Variants in THRB observed in about 807,000 individuals in gnomAD.
The protein encoded by THRB is thyroid hormone receptor beta.
In THRB, 12 loss-of-function variants were observed where a neutral mutation model predicts 47.8. The ratio of observed to expected loss-of-function variants is 0.25; its 90% CI spans 0.16 to 0.41. The LOEUF (loss-of-function observed/expected upper bound fraction) is 0.41, where lower values mean the gene tolerates loss of function less well. Ranked by LOEUF, THRB falls within the 10% of genes least tolerant of loss-of-function variation. The probability of loss-of-function intolerance (pLI) is 1.00; values close to 1 mark genes in which losing one functional copy is unlikely to be tolerated. For missense variants in THRB, 348 were observed against 589.2 expected (o/e 0.59, Z 4.24); for synonymous variants, 218 against 212.2 (o/e 1.03, Z -0.24).
chr3:24,454,935 A>G (rs1225440853), intron 1 of THRB, among the ~76,000 whole-genome samples: 2 of 152,108 alleles, frequency 1.3e-5, no homozygotes, highest in Non-Finnish European at 2.9e-5. Context: ...ACAGCACCAT[A>G]GAAAATGTAG....
rs143665487 is a variant in THRB, at chr3:24,416,059, T to C, written c.-261+78593A>G. ...AGAGTTGTTACATAATATAATTATG[T>C]TGTATATTCAAGAGTGCAATTGTGA... is the stretch of plus-strand genomic sequence containing the variant. On this transcript the variant is annotated intron_variant, in intron 1 of 10. Coordinates refer to ENST00000646209, the MANE Select transcript of THRB (RefSeq NM_001354712.2). Among the ~76,000 whole-genome samples the C allele has an allele frequency of 3.5e-3, 527 of 151,994 alleles. 7 individuals are homozygous for C. Among genetic ancestry groups the C allele is most frequent in the African/African-American group, 0.012 (484 of 41,532 alleles).
chr3:24,203,278 G>A (rs773221604), intron 4 of THRB, among the ~76,000 whole-genome samples: 7 of 152,180 alleles, frequency 4.6e-5, no homozygotes, highest in Non-Finnish European at 1.0e-4. Context: ...GCTGGGTGTG[G>A]TGGCACACAC....
intron 4 of THRB, among the ~76,000 whole-genome samples, chr3:24,203,070 C>A (rs1300893436): frequency 6.6e-6 from 1 of 152,178 alleles, no homozygotes; most frequent in Non-Finnish European, 1.5e-5. Context: ...AAAACCACTT[C>A]AAGAAGCAAA....
chr3:24,204,722 T>A (rs1461534914), intron 4 of THRB, among the ~76,000 whole-genome samples: 1 of 152,136 alleles, frequency 6.6e-6, no homozygotes, highest in East Asian at 1.9e-4. Flanking sequence ...AGGAGGAAAT[T>A]TGAACCCATC....
rs1575378353 is a variant in THRB at position 24,143,634 on chromosome 3, T to C, written c.605A>G (p.Glu202Gly). 6.2e-7 allele frequency: 1 copy of C among 1,614,178 alleles called. No individual in the cohort carries two copies. The highest frequency in any genetic ancestry group is 8.5e-7 in the Non-Finnish European group (1 of 1,180,024). Residue 202 changes from glutamate (E) to glycine (G), a missense_variant, in exon 8 of 11, where the codon GAA (glutamate) becomes GGA (glycine). Physicochemically the swap from Glu to Gly is moderately conservative, Grantham distance 98. Around this residue, in one of 5 missense-constraint regions of THRB, gnomAD observed 112 missense variants for 212.3 expected, o/e 0.53. Transcript: ENST00000646209. ...GTGCCCGATGGACTTCTGCAGCTCT[T>C]CCCGCCGTCTTTTCTCCCGGTTCTC... Reference protein sequence around the residue: ...IEENREKRRREELQKSIGHKP... With the variant: ...IEENREKRRRGELQKSIGHKP...
intron 3 of THRB, among the ~76,000 whole-genome samples, chr3:24,252,650 C>T (rs1371688682): frequency 2.7e-5 from 4 of 150,774 alleles, no homozygotes; most frequent in East Asian, 1.9e-4. Context: ...ATATGTAAAA[C>T]GCAAATGTCC....
chr3:24,179,886 T>C (rs933396273), intron 5 of THRB, among the ~76,000 whole-genome samples: 3 of 152,130 alleles, frequency 2.0e-5, no homozygotes, highest in Admixed American at 6.5e-5. Flanking sequence ...CAAATAAGAC[T>C]CAAGCATAGA....
In THRB at chr3:24,120,889, T is replaced by C. The variant is rs2031557109; in HGVS notation, c.*1995A>G. On this transcript the variant is annotated 3_prime_UTR_variant, in exon 11 of 11. Transcript: ENST00000646209. ...TTGTTTCCTTTTTCCCAGAAGCCAG[T>C]ACAATTGCTTTCATGCATTGAATAT... 1 of 152,220 alleles carries C rather than the reference T, an allele frequency of 6.6e-6. No individual in the cohort carries two copies. The highest frequency in any genetic ancestry group is 2.4e-5 in the African/African-American group (1 of 41,458). 9.4% of individuals were successfully genotyped at this position (152,220 alleles called of 1,614,324 possible).
chr3:24,319,116 T>C (rs2058313294), intron 2 of THRB, among the ~76,000 whole-genome samples: 4 of 152,238 alleles, frequency 2.6e-5, no homozygotes, highest in Admixed American at 2.0e-4. Context: ...TCAAGTATTG[T>C]AGAAGATATG....
intron 3 of THRB, among the ~76,000 whole-genome samples, chr3:24,270,175 T>G (rs2053175222): frequency 6.6e-6 from 1 of 152,252 alleles, no homozygotes; most frequent in Non-Finnish European, 1.5e-5. Flanking sequence ...ATCTTTCTTT[T>G]TAATAATTGG....
At chr3:24,150,929 T>C (rs1045821399) in intron 6 of THRB, among the ~76,000 whole-genome samples, 4 of 152,192 alleles carry the variant, frequency 2.6e-5, no homozygotes, top group African/African-American at 9.7e-5. Context: ...TGTAGTTTTA[T>C]TACTTTCAAA....
At chr3:24,290,443 T>A (rs2055806511) in intron 3 of THRB, among the ~76,000 whole-genome samples, 2 of 152,182 alleles carry the variant, frequency 1.3e-5, no homozygotes, top group East Asian at 3.9e-4. Context: ...CCAGTGAGCA[T>A]CATATCCTGG....
chr3:24,343,193 A>T (rs1050237512), intron 1 of THRB, among the ~76,000 whole-genome samples: 4 of 152,152 alleles, frequency 2.6e-5, no homozygotes, highest in Admixed American at 2.0e-4. Context: ...AACCCTCCTT[A>T]AGTAATTTGT....
At chr3:24,143,963 AC>A (rs371381475) in intron 7 of THRB, 8 of 538,290 alleles carry the variant, frequency 1.5e-5, no homozygotes, top group Non-Finnish European at 2.3e-5. Flanking sequence ...GAACCTAGAC[AC>A]TGCGCACTCC....
At chr3:24,233,567 G>GAAAGAGAA in intron 3 of THRB, among the ~76,000 whole-genome samples, 1 of 135,622 alleles carries the variant, frequency 7.4e-6, no homozygotes, top group East Asian at 2.1e-4. Flanking sequence ...AAGGAAGAAA[G>GAAAGAGAA]AAAGAAAGAA....
intron 1 of THRB, among the ~76,000 whole-genome samples, chr3:24,428,310 A>T (rs2069986426): frequency 6.6e-6 from 1 of 151,998 alleles, no homozygotes; most frequent in Non-Finnish European, 1.5e-5. Context: ...TGCTATTCTC[A>T]GGCACAGATG....
In THRB at chr3:24,483,046, C is replaced by T. The variant is rs77951500; in HGVS notation, c.-261+11606G>A. On this transcript the variant is annotated intron_variant, in intron 1 of 10. Transcript: ENST00000646209. Reference sequence around the variant, plus strand: ...ATAATCTAAAATGCATGTGTCTGTCCTTTGTGTCTTACTTCTTAAAATATT... The same window carrying T: ...ATAATCTAAAATGCATGTGTCTGTCTTTTGTGTCTTACTTCTTAAAATATT... 6.4e-3 allele frequency among the ~76,000 whole-genome samples: 969 copies of T among 151,980 alleles called. 7 individuals are homozygous for T. Among genetic ancestry groups the T allele is most frequent in the African/African-American group, 0.022 (903 of 41,476 alleles).
intron 3 of THRB, among the ~76,000 whole-genome samples, chr3:24,279,387 T>A (rs2054285075): frequency 6.6e-6 from 1 of 151,940 alleles, no homozygotes; most frequent in Non-Finnish European, 1.5e-5. Context: ...CAATGAGTTC[T>A]TTTTTCTTTT....
At chr3:24,246,098 T>C (rs956991005) in intron 3 of THRB, among the ~76,000 whole-genome samples, 16 of 152,170 alleles carry the variant, frequency 1.1e-4, no homozygotes, top group Admixed American at 9.8e-4. Context: ...AGCATGTCCC[T>C]TACGGAGATG....
Sources: allele counts gnomAD v4.1 joint callset (sites outside exome capture counted in the v4.1 genomes callset), GRCh38; gene constraint gnomAD v4.1.1; regional missense constraint gnomAD v4.1.1; transcripts MANE v1.5; gene names NCBI Gene and HGNC (gene_info 2026-07-23, HGNC 2026-07-21).